Variants in RFTN1 observed in about 807,000 individuals in gnomAD.
RFTN1 encodes raftlin, lipid raft linker 1.
A neutral mutation model predicts 46.5 loss-of-function variants in RFTN1; 26 were observed. That is an observed-to-expected ratio of 0.56 (90% CI 0.41 to 0.78). The LOEUF is 0.78. Among genes scored for constraint, RFTN1 ranks in the 30% least tolerant of loss-of-function variants. The pLI is 0.00. For missense variants in RFTN1, 693 were observed against 718.7 expected (o/e 0.96, Z 0.41); for synonymous variants, 261 against 284.2 (o/e 0.92, Z 0.82).
chr3:16,419,985 G>T (rs1402407858), intron 3 of RFTN1, among the ~76,000 whole-genome samples: 1 of 152,180 alleles, frequency 6.6e-6, no homozygotes, highest in Non-Finnish European at 1.5e-5. Flanking sequence ...ATGCCTACTG[G>T]GGAGATGTTA....
Position 16,509,397 on chromosome 3 carries a change from A to G in RFTN1, c.-9+4045T>C, listed in dbSNP as rs1472150633. On this transcript the variant is annotated intron_variant, in intron 1 of 9. Transcript: ENST00000334133. This position sits in a 1 kb window ranked among gnomAD's most constrained non-coding sequence, Gnocchi z 4.9. ...AGGTCTTAGAAAAATGAAAACGTGA[A>G]CTTAGGGAAAGTTAACCTTGCAAGC... Among the ~76,000 whole-genome samples the G allele has an allele frequency of 6.6e-6, 1 of 152,154 alleles. No homozygotes were observed. The highest frequency in any genetic ancestry group is 2.4e-5 in the African/African-American group (1 of 41,424).
intron 4 of RFTN1, among the ~76,000 whole-genome samples, chr3:16,397,892 C>G (rs1165608271): frequency 6.6e-6 from 1 of 151,986 alleles, no homozygotes; most frequent in Non-Finnish European, 1.5e-5. Context: ...TGAAGAATGC[C>G]AAGTTAAACC....
At position 16,374,660 on chromosome 3, in the gene RFTN1, C is replaced by T. The variant is rs948016555; in HGVS notation, c.826+3058G>A. On this transcript the variant is annotated intron_variant, in intron 5 of 9. Transcript: ENST00000334133. This position sits in a 1 kb window ranked among gnomAD's most constrained non-coding sequence, Gnocchi z 5.4. ...CTTGGAAGACTTGTTATTTTGGTGA[C>T]GGTGAGAATGATTAGAATTTTCGTG... Among the ~76,000 whole-genome samples, 6 of 152,144 alleles carry T rather than the reference C, an allele frequency of 3.9e-5. No individual in the cohort carries two copies. The highest frequency in any genetic ancestry group is 3.8e-4 in the East Asian group (2 of 5,200).
intron 2 of RFTN1, among the ~76,000 whole-genome samples, chr3:16,434,398 AC>A (rs201603729): frequency 2.3e-4 from 26 of 113,842 alleles, no homozygotes; most frequent in African/African-American, 6.6e-4. Flanking sequence ...ACAAACAAAA[AC>A]AAAAAAACCC....
chr3:16,387,593 TC>T lies in RFTN1; in HGVS notation c.442-9492del. ...ATTTCTCTCTCTCTCTCTCTCTCTC[TC>T]TCTCTCTCTCTCTCTCTACTGGCTC... On this transcript the variant is annotated intron_variant, in intron 4 of 9. Transcript: ENST00000334133. This position sits in a 1 kb window ranked among gnomAD's most constrained non-coding sequence, Gnocchi z 5.2. Among the ~76,000 whole-genome samples the T allele has an allele frequency of 6.6e-6, 1 of 151,146 alleles. No individual in the cohort carries two copies. The highest frequency in any genetic ancestry group is 6.6e-5 in the Admixed American group (1 of 15,206).
At position 16,345,842 on chromosome 3, in the gene RFTN1, A is replaced by T. The variant is rs1417186437; in HGVS notation, c.1146+12090T>A. Among the ~76,000 whole-genome samples the T allele has an allele frequency of 4.7e-5, 2 of 42,648 alleles. No individual in the cohort carries two copies. Among genetic ancestry groups the T allele is most frequent in the African/African-American group, 1.3e-4 (1 of 7,754 alleles). 28.0% of individuals were successfully genotyped at this position (42,648 alleles called of 152,430 possible). Reference sequence around the variant, plus strand: ...TGCGCGCGCGCGTGCGCGCACGCGCACATGTGCATGTGTATGTGTATAATC... The same window carrying T: ...TGCGCGCGCGCGTGCGCGCACGCGCTCATGTGCATGTGTATGTGTATAATC... On this transcript the variant is annotated intron_variant, in intron 7 of 9. Coordinates refer to ENST00000334133, the MANE Select transcript of RFTN1 (RefSeq NM_015150.2). The surrounding 1 kb of genome is among the most constrained non-coding windows in gnomAD (Gnocchi z 5.2).
chr3:16,399,432 C>G (rs1463289877), intron 4 of RFTN1, among the ~76,000 whole-genome samples: 1 of 152,186 alleles, frequency 6.6e-6, no homozygotes, highest in Non-Finnish European at 1.5e-5. Context: ...GACTTCATGG[C>G]CACTCCAGCA....
rs2076358495 is a variant in RFTN1, at chr3:16,481,045, A to T, written c.145+12680T>A. On this transcript the variant is annotated intron_variant, in intron 2 of 9. Transcript: ENST00000334133. This position sits in a 1 kb window ranked among gnomAD's most constrained non-coding sequence, Gnocchi z 5.1. Reference sequence around the variant, plus strand: ...CACACACACACCTGAGCCCATTTTCATACAAGACTGAGTAGTGTTGCTTCT... The same window carrying T: ...CACACACACACCTGAGCCCATTTTCTTACAAGACTGAGTAGTGTTGCTTCT... Among the ~76,000 whole-genome samples the T allele has an allele frequency of 1.3e-5, 2 of 151,670 alleles. No homozygotes were observed. Among genetic ancestry groups the T allele is most frequent in the Middle Eastern group, 3.4e-3 (1 of 294 alleles).
intron 6 of RFTN1, among the ~76,000 whole-genome samples, chr3:16,369,430 TG>T (rs1334303096): frequency 3.3e-5 from 5 of 152,250 alleles, no homozygotes; most frequent in Admixed American, 6.5e-5. Context: ...TGACACACCC[TG>T]GTGACTCAAC....
Position 16,348,017 on chromosome 3 carries a change from T to C in RFTN1, c.1146+9915A>G, listed in dbSNP as rs559309046. 1.3e-5 allele frequency: 2 copies of C among 152,286 alleles called. No homozygotes were observed. The highest frequency in any genetic ancestry group is 2.9e-5 in the Non-Finnish European group (2 of 68,048). 9.4% of individuals were successfully genotyped at this position (152,286 alleles called of 1,614,324 possible). A position where few individuals can be genotyped will look rare whatever the true frequency, so the allele number is the denominator to read the frequency against. On this transcript the variant is annotated intron_variant, in intron 7 of 9. Transcript: ENST00000334133. The surrounding 1 kb of genome is among the most constrained non-coding windows in gnomAD (Gnocchi z 6.3). ...TGACCAGCGGCTCAGTCTGATCCTG[T>C]GGGGAGCTCTGAGGGGTGAGTTATG...
In RFTN1 at chr3:16,452,030, T is replaced by C. The variant is rs192628392; in HGVS notation, c.146-17993A>G. ...GGACAGCATGGATGCACAGGACAAA[T>C]AGATGATCCACGTCCTGGGCGGAAT... On this transcript the variant is annotated intron_variant, in intron 2 of 9. Coordinates refer to ENST00000334133, the MANE Select transcript of RFTN1 (RefSeq NM_015150.2). This position sits in a 1 kb window ranked among gnomAD's most constrained non-coding sequence, Gnocchi z 6.3. Among the ~76,000 whole-genome samples the C allele has an allele frequency of 1.3e-5, 2 of 152,090 alleles. No individual in the cohort carries two copies. Among genetic ancestry groups the C allele is most frequent in the South Asian group, 2.1e-4 (1 of 4,824 alleles).
intron 2 of RFTN1, chr3:16,482,704 T>TGCCACAACA: frequency 1.5e-6 from 2 of 1,372,864 alleles, no homozygotes; most frequent in South Asian, 2.5e-5. Flanking sequence ...CCACATTAGC[T>TGCCACAACA]GTTATTACTG....
chr3:16,476,785 A>T (rs1004019272), intron 2 of RFTN1, among the ~76,000 whole-genome samples: 4 of 152,288 alleles, frequency 2.6e-5, no homozygotes, highest in African/African-American at 9.6e-5. Flanking sequence ...AAATCCTACA[A>T]ATCAGATATA....
rs201945264 is a variant in RFTN1, at chr3:16,440,690, G to GGT, written c.146-6654_146-6653insAC. Among the ~76,000 whole-genome samples the GGT allele has an allele frequency of 5.5e-3, 834 of 152,038 alleles. 8 individuals are homozygous for GGT. The highest frequency in any genetic ancestry group is 0.019 in the African/African-American group (788 of 41,370). ...GGGACAAGATGGTTACTGCTAATGG[G>GGT]GGGGGGGCCCAATGGTGCCAGAACT... On this transcript the variant is annotated intron_variant, in intron 2 of 9. Coordinates refer to ENST00000334133, the MANE Select transcript of RFTN1 (RefSeq NM_015150.2). The surrounding 1 kb of genome is among the most constrained non-coding windows in gnomAD (Gnocchi z 4.6).
chr3:16,349,633 A>G (rs2071960438), intron 7 of RFTN1: 1 of 152,256 alleles, frequency 6.6e-6, no homozygotes, highest in Non-Finnish European at 1.5e-5. Flanking sequence ...TAAAAATGGG[A>G]TTATTCAACT....
chr3:16,371,507 A>G (rs1318460732), intron 5 of RFTN1, among the ~76,000 whole-genome samples: 3 of 152,256 alleles, frequency 2.0e-5, no homozygotes, highest in African/African-American at 7.2e-5. Flanking sequence ...TTAACACCAA[A>G]TATGTTCATC....
chr3:16,424,229 T>C lies in RFTN1; in HGVS notation c.332+9622A>G, dbSNP rs1268818191. 6.6e-6 allele frequency among the ~76,000 whole-genome samples: 1 copy of C among 152,222 alleles called. No homozygotes were observed. ...TATTTCTGTGCCATGAGTCTCAAGA[T>C]GGAACTTGAGTTCTATATTCACCAC... On this transcript the variant is annotated intron_variant, in intron 3 of 9. Coordinates refer to ENST00000334133, the MANE Select transcript of RFTN1 (RefSeq NM_015150.2). The surrounding 1 kb of genome is among the most constrained non-coding windows in gnomAD (Gnocchi z 4.7).
Position 16,376,364 on chromosome 3 carries a change from C to T in RFTN1, c.826+1354G>A, listed in dbSNP as rs2073770826. Among the ~76,000 whole-genome samples, 1 of 152,168 alleles carries T rather than the reference C, an allele frequency of 6.6e-6. No homozygotes were observed. Among genetic ancestry groups the T allele is most frequent in the Non-Finnish European group, 1.5e-5 (1 of 68,030 alleles). On this transcript the variant is annotated intron_variant, in intron 5 of 9. Coordinates refer to ENST00000334133, the MANE Select transcript of RFTN1 (RefSeq NM_015150.2). The surrounding 1 kb of genome is among the most constrained non-coding windows in gnomAD (Gnocchi z 4.7). ...TTGAGCACCATGCTCCTCACCTCTC[C>T]ATCACTCCTGCCCTTTCTCCTGGGG... is the stretch of plus-strand genomic sequence containing the variant.
chr3:16,395,891 T>C (rs1370431678), intron 4 of RFTN1, among the ~76,000 whole-genome samples: 3 of 152,342 alleles, frequency 2.0e-5, no homozygotes, highest in African/African-American at 4.8e-5. Flanking sequence ...CTGATGTCAC[T>C]TGAAGCCTTG....
Sources: allele counts gnomAD v4.1 joint callset (sites outside exome capture counted in the v4.1 genomes callset), GRCh38; gene constraint gnomAD v4.1.1; non-coding constraint Gnocchi (gnomAD v3.1); transcripts MANE v1.5; gene names NCBI Gene and HGNC (gene_info 2026-07-23, HGNC 2026-07-21).